DLGAP2: variants seen among roughly 807,000 people sequenced by gnomAD.
DLGAP2 encodes DLG associated protein 2, also known as disks large-associated protein 2.
In DLGAP2, 26 loss-of-function variants were observed where a neutral mutation model predicts 100.3. That is an observed-to-expected ratio of 0.26 (90% CI 0.19 to 0.36). The LOEUF is 0.36. DLGAP2 is among the 10% of genes least tolerant of loss of function. DLGAP2 has a pLI of 1.00. For missense variants in DLGAP2, 1,858 were observed against 1,453.2 expected, an observed-to-expected ratio of 1.28 and a Z score of -4.53; for synonymous variants, 886 against 630.1, an observed-to-expected ratio of 1.41 and a Z score of -6.08.
intron 2 of DLGAP2, among the ~76,000 whole-genome samples, chr8:1,208,250 G>T (rs1275105510): frequency 6.6e-6 from 1 of 152,178 alleles, no homozygotes; most frequent in African/African-American, 2.4e-5. Context: ...TAAGGTGAGA[G>T]ATGAGGATCC....
chr8:1,343,708 C>T lies in DLGAP2; in HGVS notation c.106+84825C>T, dbSNP rs186737941. 7.0e-3 allele frequency among the ~76,000 whole-genome samples: 838 copies of T among 119,432 alleles called. 11 individuals carry two copies. The highest frequency in any genetic ancestry group is 0.022 in the African/African-American group (801 of 36,248). The allele number at this position is 119,432 out of a possible 152,430, so 78.4% of individuals were successfully genotyped here. The stretch of plus-strand genomic sequence containing the variant: ...TTGGAGCAGTTTGCATCTGGGGGGT[C>T]GTGGGGGGTGTTAGAGGCTCCGATG... On this transcript the variant is annotated intron_variant, in intron 3 of 14. Coordinates refer to ENST00000637795, the MANE Select transcript of DLGAP2 (RefSeq NM_001346810.2).
intron 1 of DLGAP2, among the ~76,000 whole-genome samples, chr8:861,433 C>T (rs1034098850): frequency 2.6e-5 from 4 of 152,104 alleles, no homozygotes; most frequent in South Asian, 2.1e-4. Context: ...TTTGAAGCCC[C>T]TAGCACGGAA....
intron 3 of DLGAP2, among the ~76,000 whole-genome samples, chr8:1,452,706 T>G (rs1798196182): frequency 6.6e-6 from 1 of 151,914 alleles, no homozygotes; most frequent in African/African-American, 2.4e-5. Context: ...GCTGGGCAGC[T>G]GAGCTGTCGC....
chr8:1,592,880 A>G (rs1399412017), intron 6 of DLGAP2, among the ~76,000 whole-genome samples: 2 of 152,202 alleles, frequency 1.3e-5, no homozygotes, highest in Non-Finnish European at 2.9e-5. Context: ...GAGCAGTTAC[A>G]CTAGCATTTT....
At chr8:1,037,243 CT>C (rs1202463557) in intron 2 of DLGAP2, among the ~76,000 whole-genome samples, 1 of 152,202 alleles carries the variant, frequency 6.6e-6, no homozygotes, top group Non-Finnish European at 1.5e-5. Flanking sequence ...AGCTTTCCAC[CT>C]TCCCTCGGGC....
intron 3 of DLGAP2, among the ~76,000 whole-genome samples, chr8:1,407,520 C>T (rs1259877480): frequency 7.9e-6 from 1 of 127,144 alleles, no homozygotes; most frequent in Non-Finnish European, 1.7e-5. Context: ...CCTCATCGTC[C>T]AGAGTCGTGT....
At chr8:1,305,429 T>C (rs896635744) in intron 3 of DLGAP2, among the ~76,000 whole-genome samples, 4 of 152,186 alleles carry the variant, frequency 2.6e-5, no homozygotes, top group Non-Finnish European at 4.4e-5. Flanking sequence ...CTTACAGTTT[T>C]CATGAGATGT....
At chr8:1,582,568 G>C (rs908917702) in intron 6 of DLGAP2, among the ~76,000 whole-genome samples, 5 of 150,586 alleles carry the variant, frequency 3.3e-5, no homozygotes, top group African/African-American at 1.2e-4. Flanking sequence ...AGTACTGCAA[G>C]AAATAGGAAA....
intron 2 of DLGAP2, among the ~76,000 whole-genome samples, chr8:1,068,744 C>CTGCACAGCAG (rs1803334805): frequency 6.7e-6 from 1 of 148,814 alleles, no homozygotes; most frequent in African/African-American, 2.6e-5. Flanking sequence ...CATGTGGGTC[C>CTGCACAGCAG]GGGATATGCC....
intron 3 of DLGAP2, among the ~76,000 whole-genome samples, chr8:1,431,325 A>G (rs565977967): frequency 2.5e-4 from 38 of 152,302 alleles, no homozygotes; most frequent in African/African-American, 8.9e-4. Flanking sequence ...ATGTTTAGTA[A>G]TAGAGTAGGG....
At chr8:1,459,927 C>G (rs1376208702) in intron 3 of DLGAP2, among the ~76,000 whole-genome samples, 3 of 152,088 alleles carry the variant, frequency 2.0e-5, no homozygotes, top group Admixed American at 2.0e-4. Context: ...CTCAAGTGAT[C>G]CACCCACCTC....
chr8:1,045,985 T>A (rs970608885), intron 2 of DLGAP2, among the ~76,000 whole-genome samples: 9 of 152,248 alleles, frequency 5.9e-5, no homozygotes, highest in African/African-American at 2.2e-4. Flanking sequence ...GTAAAGCCTT[T>A]GGGTTTTAAT....
At chr8:1,699,119 G>A (rs950138391) in intron 14 of DLGAP2, among the ~76,000 whole-genome samples, 4 of 152,230 alleles carry the variant, frequency 2.6e-5, no homozygotes, top group African/African-American at 9.6e-5. Context: ...AGTTAGCCCA[G>A]GTGCACACGA....
chr8:1,447,110 C>G (rs1020118626), intron 3 of DLGAP2, among the ~76,000 whole-genome samples: 1 of 152,216 alleles, frequency 6.6e-6, no homozygotes, highest in African/African-American at 2.4e-5. Context: ...ATTGCCCTGG[C>G]CAGAACTTCC....
chr8:1,023,134 A>C (rs1397186155), intron 2 of DLGAP2, among the ~76,000 whole-genome samples: 6 of 152,212 alleles, frequency 3.9e-5, no homozygotes, highest in Non-Finnish European at 2.9e-5. Context: ...GCCGATTTTC[A>C]AATTTTCAAA....
At chr8:1,261,705 G>A (rs891754088) in intron 3 of DLGAP2, among the ~76,000 whole-genome samples, 2 of 152,230 alleles carry the variant, frequency 1.3e-5, no homozygotes, top group African/African-American at 4.8e-5. Flanking sequence ...GGTTTGTGGC[G>A]AGGTCTCAGC....
intron 2 of DLGAP2, among the ~76,000 whole-genome samples, chr8:1,112,237 ATTTT>A (rs4044488): frequency 4.1e-5 from 4 of 98,030 alleles, no homozygotes; most frequent in Non-Finnish European, 7.5e-5. Context: ...TCCTTTGCCC[ATTTT>A]TTTTTTTTTT....
chr8:1,046,409 C>T (rs543450501), intron 2 of DLGAP2, among the ~76,000 whole-genome samples: 1 of 152,214 alleles, frequency 6.6e-6, no homozygotes, highest in African/African-American at 2.4e-5. Context: ...CCCATTTCCC[C>T]GGCTGCCGTG....
At chr8:1,336,237 T>C (rs1015089047) in intron 3 of DLGAP2, among the ~76,000 whole-genome samples, 2 of 152,240 alleles carry the variant, frequency 1.3e-5, no homozygotes, top group African/African-American at 4.8e-5. Context: ...TGGATTTATT[T>C]TGAAGATGCT....
Sources: allele counts gnomAD v4.1 joint callset (sites outside exome capture counted in the v4.1 genomes callset), GRCh38; gene constraint gnomAD v4.1.1; transcripts MANE v1.5; gene names NCBI Gene and HGNC (gene_info 2026-07-23, HGNC 2026-07-21).